PCDHA7: variants seen among roughly 807,000 people sequenced by gnomAD.
The protein encoded by PCDHA7 is protocadherin alpha 7, also known as protocadherin alpha-7.
Under a neutral mutation model 57.2 loss-of-function variants are expected in PCDHA7, and 37 were observed. The observed-to-expected ratio is 0.65, with a 90% CI of 0.50 to 0.85. The LOEUF (loss-of-function observed/expected upper bound fraction) is 0.85, where lower values mean the gene tolerates loss of function less well. Ranked by LOEUF, PCDHA7 falls within the 40% of genes least tolerant of loss-of-function variation. PCDHA7 has a pLI of 0.00. For missense variants in PCDHA7, 1,188 were observed against 1,241.8 expected (o/e 0.96, Z 0.65); for synonymous variants, 553 against 558.8 (o/e 0.99, Z 0.15).
chr5:140,868,974 C>T (rs2050775096), intron 1 of PCDHA7: 4 of 1,471,768 alleles, frequency 2.7e-6, no homozygotes, highest in South Asian at 1.4e-5. Flanking sequence ...GGAACTCCAT[C>T]ATACCGGATG....
chr5:140,863,224 G>A, intron 1 of PCDHA7: 2 of 1,143,744 alleles, frequency 1.7e-6, no homozygotes, highest in Non-Finnish European at 2.5e-6. Context: ...AGCGAGGAAG[G>A]TCCCATCGCG....
chr5:140,887,326 G>A (rs1344500973), intron 1 of PCDHA7, among the ~76,000 whole-genome samples: 7 of 152,230 alleles, frequency 4.6e-5, no homozygotes, highest in South Asian at 2.1e-4. Context: ...TCGAACTCCT[G>A]ACCTCGTGAT....
chr5:140,854,987 T>C (rs1220578373), intron 1 of PCDHA7, among the ~76,000 whole-genome samples: 1 of 149,970 alleles, frequency 6.7e-6, no homozygotes, highest in Admixed American at 6.7e-5. Context: ...TAAGATTCTT[T>C]TTGCCCGTGT....
intron 1 of PCDHA7, chr5:140,870,249 A>T (rs1554163944): frequency 6.2e-7 from 1 of 1,614,160 alleles, no homozygotes; most frequent in Non-Finnish European, 8.5e-7. Flanking sequence ...GTGTCAACGG[A>T]CAGGTGACCT....
intron 1 of PCDHA7, chr5:140,860,566 A>G (rs1385735814): frequency 6.6e-6 from 1 of 152,224 alleles, no homozygotes; most frequent in Non-Finnish European, 1.5e-5. Context: ...GGTACTGATC[A>G]TACACAAGAA....
chr5:140,957,138 C>G (rs1554222835), intron 1 of PCDHA7, among the ~76,000 whole-genome samples: 1 of 151,982 alleles, frequency 6.6e-6, no homozygotes, highest in African/African-American at 2.4e-5. Flanking sequence ...ACACTATGAA[C>G]TAAAAATTTT....
chr5:140,869,819 A>G, intron 1 of PCDHA7: 1 of 1,612,282 alleles, frequency 6.2e-7, no homozygotes, highest in Non-Finnish European at 8.5e-7. Context: ...AACGACAATG[A>G]TCCAGAGTTT....
At chr5:140,976,248 T>G (rs1476905185) in intron 1 of PCDHA7, among the ~76,000 whole-genome samples, 5 of 152,032 alleles carry the variant, frequency 3.3e-5, no homozygotes, top group African/African-American at 9.7e-5. Context: ...TCATGTAAAT[T>G]TATTTAAAAC....
intron 3 of PCDHA7, among the ~76,000 whole-genome samples, chr5:140,999,635 A>C (rs2097866612): frequency 6.6e-6 from 1 of 152,192 alleles, no homozygotes; most frequent in Non-Finnish European, 1.5e-5. Flanking sequence ...AAGGTAGAGA[A>C]AACTGTGCAG....
chr5:141,007,694 C>T (rs1466885866), intron 3 of PCDHA7, among the ~76,000 whole-genome samples: 1 of 152,186 alleles, frequency 6.6e-6, no homozygotes, highest in Non-Finnish European at 1.5e-5. Context: ...CTTCCACCTC[C>T]CTCCTCTGCC....
At chr5:140,893,119 C>T (rs2063831505) in intron 1 of PCDHA7, among the ~76,000 whole-genome samples, 1 of 152,174 alleles carries the variant, frequency 6.6e-6, no homozygotes, top group Admixed American at 6.5e-5. Context: ...TGTGCATATA[C>T]ACCACATTTT....
chr5:140,840,744 A>T (rs2150309255), intron 1 of PCDHA7, among the ~76,000 whole-genome samples: 1 of 152,224 alleles, frequency 6.6e-6, no homozygotes, highest in Non-Finnish European at 1.5e-5. Flanking sequence ...ATTTAACAAT[A>T]AGAACACAAG....
At chr5:140,876,172 G>C in intron 1 of PCDHA7, 1 of 1,613,970 alleles carries the variant, frequency 6.2e-7, no homozygotes, top group East Asian at 2.2e-5. Flanking sequence ...AACCGTCCTG[G>C]ATGTGAATGA....
At chr5:141,000,210 A>G (rs1475631796) in intron 3 of PCDHA7, among the ~76,000 whole-genome samples, 3 of 151,622 alleles carry the variant, frequency 2.0e-5, no homozygotes, top group Non-Finnish European at 2.9e-5. Context: ...CACCTTCATT[A>G]TCAAATGCCT....
intron 1 of PCDHA7, among the ~76,000 whole-genome samples, chr5:140,907,826 C>T (rs1448630927): frequency 6.6e-6 from 1 of 152,192 alleles, no homozygotes; most frequent in Non-Finnish European, 1.5e-5. Context: ...TCATCCTATC[C>T]ACTTGTTTAT....
At chr5:140,932,066 G>C (rs1196454003) in intron 1 of PCDHA7, among the ~76,000 whole-genome samples, 1 of 151,752 alleles carries the variant, frequency 6.6e-6, no homozygotes, top group Non-Finnish European at 1.5e-5. Flanking sequence ...AAAATTATCA[G>C]TTTAAGAAAT....
chr5:140,960,919 A>G (rs542740686), intron 1 of PCDHA7, among the ~76,000 whole-genome samples: 1 of 152,334 alleles, frequency 6.6e-6, no homozygotes, highest in Non-Finnish European at 1.5e-5. Flanking sequence ...CAGATAGAAA[A>G]TTGGTACTAA....
rs2150329529 is a variant in PCDHA7, at chr5:140,842,109, A to G, written c.2355+5371A>G. 642 of 1,613,342 alleles carry G rather than the reference A, an allele frequency of 4.0e-4. 8 individuals are homozygous for G. Among genetic ancestry groups the G allele is most frequent in the South Asian group, 3.7e-3 (331 of 90,644 alleles). On this transcript the variant is annotated intron_variant, in intron 1 of 3. Transcript: ENST00000525929. ...GCAGACAACGGAACAACAGTTATCA[A>G]ACTGAATGCTTCTGATCCGGATGAA...
chr5:140,883,685 C>T (rs782100865), intron 1 of PCDHA7: 50 of 1,613,734 alleles, frequency 3.1e-5, no homozygotes, highest in Non-Finnish European at 3.7e-5. Context: ...GCCGGGCTGC[C>T]ACATCTTCAC....
Sources: allele counts gnomAD v4.1 joint callset (sites outside exome capture counted in the v4.1 genomes callset), GRCh38; gene constraint gnomAD v4.1.1; transcripts MANE v1.5; gene names NCBI Gene and HGNC (gene_info 2026-07-23, HGNC 2026-07-21).